Variants in SUSD1 observed in about 807,000 individuals in gnomAD.
SUSD1 encodes sushi domain containing 1, also known as sushi domain-containing protein 1.
Under a neutral mutation model 86.9 loss-of-function variants are expected in SUSD1, and 65 were observed. The observed-to-expected ratio is 0.75, with a 90% CI of 0.61 to 0.92. The LOEUF is 0.92. Among genes scored for constraint, SUSD1 ranks in the 40% least tolerant of loss-of-function variants. The pLI is 0.00. For missense variants in SUSD1, 850 were observed against 929.7 expected, an observed-to-expected ratio of 0.91 and a Z score of 1.11; for synonymous variants, 346 against 350.0, an observed-to-expected ratio of 0.99 and a Z score of 0.13.
intron 1 of SUSD1, among the ~76,000 whole-genome samples, chr9:112,169,930 C>G (rs913371906): frequency 2.0e-5 from 3 of 152,176 alleles, no homozygotes; most frequent in Non-Finnish European, 4.4e-5. Context: ...CCACCCCAAT[C>G]TCCCAAAGTG....
chr9:112,125,821 T>A (rs1831749983), intron 5 of SUSD1, among the ~76,000 whole-genome samples: 1 of 152,222 alleles, frequency 6.6e-6, no homozygotes, highest in Non-Finnish European at 1.5e-5. Context: ...AATGTGTGGA[T>A]TTAATGCAAC....
intron 5 of SUSD1, among the ~76,000 whole-genome samples, chr9:112,130,359 C>T (rs1051603043): frequency 1.4e-5 from 2 of 143,180 alleles, no homozygotes; most frequent in African/African-American, 5.2e-5. Flanking sequence ...GGCAATAGAG[C>T]GAGACTCCAT....
chr9:112,139,477 G>A (rs1376095829), intron 5 of SUSD1, among the ~76,000 whole-genome samples: 1 of 152,014 alleles, frequency 6.6e-6, no homozygotes, highest in Non-Finnish European at 1.5e-5. Flanking sequence ...ATAGGATCTT[G>A]CTCTGTCACC....
intron 1 of SUSD1, among the ~76,000 whole-genome samples, chr9:112,163,816 T>C (rs569023313): frequency 2.8e-5 from 4 of 145,176 alleles, no homozygotes; most frequent in African/African-American, 4.9e-5. Context: ...CTGGCCAACA[T>C]GGTGAAACCT....
chr9:112,056,141 C>T (rs1828438254), intron 14 of SUSD1, among the ~76,000 whole-genome samples: 1 of 152,194 alleles, frequency 6.6e-6, no homozygotes, highest in South Asian at 2.1e-4. Context: ...TGGTGCACAC[C>T]TGTGGTCCAA....
chr9:112,060,726 T>C (rs1238177193), intron 13 of SUSD1, among the ~76,000 whole-genome samples: 1 of 152,226 alleles, frequency 6.6e-6, no homozygotes, highest in African/African-American at 2.4e-5. Flanking sequence ...CCACTGCCTA[T>C]GGGGAACACC....
chr9:112,047,469 G>A (rs1828006516), intron 15 of SUSD1, among the ~76,000 whole-genome samples: 1 of 152,196 alleles, frequency 6.6e-6, no homozygotes, highest in Non-Finnish European at 1.5e-5. Context: ...CTCTGGAGAA[G>A]AAGCTGCTTC....
At chr9:112,061,964 G>A (rs1019269061) in intron 13 of SUSD1, among the ~76,000 whole-genome samples, 1 of 152,082 alleles carries the variant, frequency 6.6e-6, no homozygotes, top group Non-Finnish European at 1.5e-5. Context: ...CTAAAAAAGG[G>A]ACTGATGCTA....
chr9:112,136,397 A>G (rs1832265307), intron 5 of SUSD1, among the ~76,000 whole-genome samples: 1 of 151,906 alleles, frequency 6.6e-6, no homozygotes. Flanking sequence ...TCATGCCCAG[A>G]CAATGTTATA....
At chr9:112,141,845 T>TA (rs1554771444) in intron 5 of SUSD1, among the ~76,000 whole-genome samples, 7 of 144,512 alleles carry the variant, frequency 4.8e-5, no homozygotes, top group African/African-American at 1.8e-4. Flanking sequence ...CATGACGTTT[T>TA]TATATATATA....
intron 1 of SUSD1, among the ~76,000 whole-genome samples, 193 bp downstream of exon 1, chr9:112,174,940 G>A (rs1380430091): frequency 6.6e-6 from 1 of 151,678 alleles, no homozygotes; most frequent in Non-Finnish European, 1.5e-5. Flanking sequence ...AGGGAAGCCC[G>A]GCGGGGAGCC....
At chr9:112,050,439 G>C (rs1043634851) in intron 15 of SUSD1, among the ~76,000 whole-genome samples, 5 of 152,206 alleles carry the variant, frequency 3.3e-5, no homozygotes, top group African/African-American at 1.2e-4. Flanking sequence ...AATGGAGGAA[G>C]CCTAATTCCC....
At position 112,090,957 on chromosome 9, in the gene SUSD1, T is replaced by G. The variant is rs531031704; in HGVS notation, c.1474+7513A>C. On this transcript the variant is annotated intron_variant, in intron 10 of 16. Transcript: ENST00000374270. ...TGCCTTCAGAGCCACTTAGAACCCA[T>G]TTAGCTGAAGGCTCCAATTCTAAGC... Among the ~76,000 whole-genome samples the G allele has an allele frequency of 4.5e-4, 69 of 152,300 alleles. 1 individual carries two copies. Among genetic ancestry groups the G allele is most frequent in the Non-Finnish European group, 8.1e-4 (55 of 68,024 alleles).
At chr9:112,145,453 G>T (rs535058589) in intron 3 of SUSD1, among the ~76,000 whole-genome samples, 1 of 151,834 alleles carries the variant, frequency 6.6e-6, no homozygotes, top group African/African-American at 2.4e-5. Flanking sequence ...TAATTTTTGT[G>T]TGTCTTTTTG....
chr9:112,108,290 C>A (rs1402708816), intron 8 of SUSD1, among the ~76,000 whole-genome samples: 2 of 152,040 alleles, frequency 1.3e-5, no homozygotes, highest in Non-Finnish European at 2.9e-5. Context: ...AGAATTCTGC[C>A]AAAGCTCAAA....
intron 5 of SUSD1, among the ~76,000 whole-genome samples, chr9:112,139,670 T>C (rs1436856222): frequency 1.3e-5 from 2 of 151,634 alleles, no homozygotes; most frequent in Non-Finnish European, 2.9e-5. Flanking sequence ...GTGCTGGAAT[T>C]ACAGACATGA....
chr9:112,088,553 A>G (rs1001310876), intron 10 of SUSD1, among the ~76,000 whole-genome samples: 2 of 152,168 alleles, frequency 1.3e-5, no homozygotes, highest in African/African-American at 4.8e-5. Context: ...TTGGGAGGCC[A>G]AGGTAGGAGG....
At chr9:112,128,859 G>T (rs1332267525) in intron 5 of SUSD1, among the ~76,000 whole-genome samples, 1 of 152,202 alleles carries the variant, frequency 6.6e-6, no homozygotes, top group Admixed American at 6.5e-5. Context: ...CAGGAGCCTA[G>T]TTAGTGAGAG....
At chr9:112,112,941 C>G (rs1831167551) in intron 6 of SUSD1, 73 bp from the exon 7 acceptor site, 2 of 862,314 alleles carry the variant, frequency 2.3e-6, no homozygotes, top group Non-Finnish European at 1.9e-6. Flanking sequence ...GGAGATCAGT[C>G]TCTCTGCATA....
Sources: gnomAD v4.1 joint callset for allele counts (sites outside exome capture counted in the v4.1 genomes callset) on GRCh38, gnomAD v4.1.1 for gene constraint, MANE v1.5 for transcripts, NCBI Gene and HGNC (gene_info 2026-07-23, HGNC 2026-07-21) for gene names.